ABAT: variants seen among roughly 807,000 people sequenced by gnomAD.
ABAT encodes the protein 4-aminobutyrate aminotransferase, mitochondrial.
ABAT carries 45 observed loss-of-function variants against 64.6 expected under a neutral mutation model. The observed-to-expected ratio is 0.70, with a 90% CI of 0.55 to 0.89. The LOEUF (loss-of-function observed/expected upper bound fraction) is 0.89. ABAT is among the 40% of genes least tolerant of loss of function. The pLI is 0.00. For synonymous variants in ABAT, 297 were observed against 250.5 expected (o/e 1.19, Z -1.75); for missense variants, 633 against 658.4 (o/e 0.96, Z 0.42).
At position 8,768,210 on chromosome 16, in the gene ABAT, C is replaced by G. The variant is rs561050474; in HGVS notation, c.621C>G (p.Asp207Glu). The change falls in exon 10 of 16, where the codon GAC becomes GAG. Residue 207 changes from aspartate to glutamate, a missense_variant. Transcript: ENST00000268251. ...GGTTTTAGGCCCCTGGCTGCCCCGACTACAGCATCCTCTCCTTCATGGGCG... is the reference window on the plus strand; with the variant it reads ...GGTTTTAGGCCCCTGGCTGCCCCGAGTACAGCATCCTCTCCTTCATGGGCG... The part of the protein sequence containing the change: ...CMINQAPGCP[D>E]YSILSFMGAF... The G allele has an allele frequency of 6.2e-7, 1 of 1,614,136 alleles. No individual in the cohort carries two copies. Among genetic ancestry groups the G allele is most frequent in the East Asian group, 2.2e-5 (1 of 44,890 alleles).
At chr16:8,737,737 A>G (rs2058991392) in intron 2 of ABAT, among the ~76,000 whole-genome samples, 1 of 148,774 alleles carries the variant, frequency 6.7e-6, no homozygotes, top group Admixed American at 7.0e-5. Context: ...AGCCTGGGCA[A>G]CATGGTGAAA....
At position 8,764,412 on chromosome 16, in the gene ABAT, T is replaced by TC. The variant is rs777501674; in HGVS notation, c.447+264dup. On this transcript the variant is annotated intron_variant, in intron 7 of 15. Coordinates refer to ENST00000268251, the MANE Select transcript of ABAT (RefSeq NM_020686.6). This position sits in a 1 kb window ranked among gnomAD's most constrained non-coding sequence, Gnocchi z 4.2. ...TGTCATTCAATCCTGCCCCCACTTC[T>TC]CGGTTTTAGTTACTACAAACGATTA... 3.7e-4 allele frequency among the ~76,000 whole-genome samples: 57 copies of TC among 152,294 alleles called. No individual in the cohort carries two copies. Among genetic ancestry groups the TC allele is most frequent in the Non-Finnish European group, 6.9e-4 (47 of 68,022 alleles).
intron 1 of ABAT, among the ~76,000 whole-genome samples, chr16:8,706,238 A>AAAAT (rs1555485259): frequency 2.7e-5 from 4 of 149,110 alleles, no homozygotes; most frequent in African/African-American, 7.3e-5. Context: ...TATAAAAAAA[A>AAAAT]ATATATATAT....
At chr16:8,757,088 T>C (rs2059669678) in intron 5 of ABAT, 1 of 444,512 alleles carries the variant, frequency 2.2e-6, no homozygotes, top group African/African-American at 2.0e-5. Context: ...GAGGATCCTA[T>C]CTGCAATCCA....
intron 1 of ABAT, among the ~76,000 whole-genome samples, chr16:8,697,778 G>C (rs2057736375): frequency 6.6e-6 from 1 of 152,072 alleles, no homozygotes; most frequent in Non-Finnish European, 1.5e-5. Context: ...TGGGATTACA[G>C]GTACAAGCGA....
intron 1 of ABAT, among the ~76,000 whole-genome samples, chr16:8,710,524 C>T (rs1188847335): frequency 6.6e-6 from 1 of 151,780 alleles, no homozygotes; most frequent in African/African-American, 2.4e-5. Context: ...ATTGCTTGAG[C>T]CCAGGAGTTC....
intron 1 of ABAT, among the ~76,000 whole-genome samples, chr16:8,732,085 T>G (rs142940991): frequency 0.013 from 1,992 of 152,102 alleles, 52 homozygotes; most frequent in African/African-American, 0.046. Flanking sequence ...ACACCTGACC[T>G]CAAGTGATCC....
chr16:8,694,211 T>C (rs551223769), intron 1 of ABAT, among the ~76,000 whole-genome samples: 3,581 of 136,574 alleles, frequency 0.026, 148 homozygotes, highest in African/African-American at 0.093. Context: ...TTTTTTTTTT[T>C]CAGTAGAGAC....
At chr16:8,765,283 C>T (rs968507805) in intron 8 of ABAT, among the ~76,000 whole-genome samples, 3 of 151,158 alleles carry the variant, frequency 2.0e-5, no homozygotes, top group African/African-American at 7.3e-5. Context: ...CTGCAGTGAG[C>T]CATGGTTGTG....
intron 1 of ABAT, among the ~76,000 whole-genome samples, chr16:8,682,458 C>G (rs2057357902): frequency 6.6e-6 from 1 of 152,176 alleles, no homozygotes; most frequent in Non-Finnish European, 1.5e-5. Context: ...CAGTGTTTTT[C>G]AAACTTTAGC....
rs2060281524 is a variant in ABAT at position 8,776,911 on chromosome 16, A to G, written c.1269+421A>G. On this transcript the variant is annotated intron_variant, in intron 14 of 15. Transcript: ENST00000268251. The surrounding 1 kb of genome is among the most constrained non-coding windows in gnomAD (Gnocchi z 4.4). ...TTTATTTTATTTTATTTGTCTATTT[A>G]TTTTTTGAGACCAAGTCTTGCTTTG... 2.0e-5 allele frequency among the ~76,000 whole-genome samples: 3 copies of G among 150,530 alleles called. No homozygotes were observed. The South Asian group carries it at 6.3e-4, about 32-fold the overall frequency.
chr16:8,728,889 G>C (rs933357951), intron 1 of ABAT, among the ~76,000 whole-genome samples: 6 of 152,098 alleles, frequency 3.9e-5, no homozygotes, highest in Admixed American at 3.9e-4. Flanking sequence ...AAAGAGTTTG[G>C]TTTCTCAGTT....
chr16:8,731,517 G>A (rs919275063), intron 1 of ABAT: 3 of 152,160 alleles, frequency 2.0e-5, no homozygotes, highest in African/African-American at 7.2e-5. Flanking sequence ...GCAGACTCTG[G>A]ACCAGAAGGC....
Position 8,773,463 on chromosome 16 carries a change from T to C in ABAT, c.954+546T>C, listed in dbSNP as rs1191419716. On this transcript the variant is annotated intron_variant, in intron 12 of 15. Coordinates refer to ENST00000268251, the MANE Select transcript of ABAT (RefSeq NM_020686.6). ...CACCACACTTGGCCTTAAAATCTTT[T>C]TAAAAAACCTTTTTGGATACATAAT... Among the ~76,000 whole-genome samples, 3 of 152,308 alleles carry C rather than the reference T, an allele frequency of 2.0e-5. No homozygotes were observed. In the South Asian group the frequency reaches 6.2e-4, roughly 32 times the overall value.
chr16:8,742,808 A>T (rs543857207), intron 2 of ABAT, among the ~76,000 whole-genome samples: 2 of 148,738 alleles, frequency 1.3e-5, no homozygotes, highest in Non-Finnish European at 3.0e-5. Context: ...AGAGGTTGCA[A>T]TGAGCTGAGA....
intron 1 of ABAT, among the ~76,000 whole-genome samples, chr16:8,697,303 G>C (rs1471698858): frequency 6.6e-6 from 1 of 152,316 alleles, no homozygotes; most frequent in East Asian, 1.9e-4. Flanking sequence ...TCTGCAATTA[G>C]AGATGTTTGG....
chr16:8,766,034 G>C (rs937541713), intron 8 of ABAT, 174 bp from the exon 9 acceptor site: 12 of 638,950 alleles, frequency 1.9e-5, no homozygotes, highest in Non-Finnish European at 2.9e-5. Context: ...CTTTTGTTGC[G>C]AGCACAGTTG....
At chr16:8,757,658 TGGG>T (rs766951927) in intron 5 of ABAT, 96 bp from the exon 6 acceptor site, 37 of 1,307,392 alleles carry the variant, frequency 2.8e-5, no homozygotes, top group Non-Finnish European at 3.9e-5. Flanking sequence ...TAAAGAGAGT[TGGG>T]GGGTTGGAAA....
Position 8,765,051 on chromosome 16 carries a change from G to T in ABAT, c.540+221G>T, listed in dbSNP as rs527610108. On this transcript the variant is annotated intron_variant, in intron 8 of 15. Coordinates refer to ENST00000268251, the MANE Select transcript of ABAT (RefSeq NM_020686.6). ...TTGGCATCAAAACTATGCAATGGGG[G>T]CTGGGCGCAGTCGTTCACACCTGTA... Among the ~76,000 whole-genome samples the T allele has an allele frequency of 2.6e-3, 396 of 152,260 alleles. 1 individual carries two copies. Among genetic ancestry groups the T allele is most frequent in the Non-Finnish European group, 3.8e-3 (257 of 68,020 alleles).
Sources: gnomAD v4.1 joint callset for allele counts (sites outside exome capture counted in the v4.1 genomes callset) on GRCh38, gnomAD v4.1.1 for gene constraint, Gnocchi (gnomAD v3.1) non-coding constraint, MANE v1.5 for transcripts, NCBI Gene and HGNC (gene_info 2026-07-23, HGNC 2026-07-21) for gene names.